FANCC: variants seen among roughly 807,000 people sequenced by gnomAD.
FANCC encodes Fanconi anemia group C protein.
A neutral mutation model predicts 71.3 loss-of-function variants in FANCC; 55 were observed. That is an observed-to-expected ratio of 0.77 (90% CI 0.62 to 0.97). The LOEUF is 0.97. Ranked by LOEUF, FANCC falls within the 50% of genes least tolerant of loss-of-function variation. The pLI, the probability that FANCC is intolerant of heterozygous loss-of-function variation, is 0.00. For synonymous variants in FANCC, 275 were observed against 244.9 expected (o/e 1.12, Z -1.15); for missense variants, 678 against 670.9 (o/e 1.01, Z -0.12).
At chr9:95,276,691 G>C (rs1310260023) in intron 1 of FANCC, among the ~76,000 whole-genome samples, 2 of 152,186 alleles carry the variant, frequency 1.3e-5, no homozygotes, top group Non-Finnish European at 2.9e-5. Context: ...ACTAACTGTG[G>C]TTAAAGATCT....
chr9:95,191,245 T>TCCTATGG (rs1214593323), intron 4 of FANCC, among the ~76,000 whole-genome samples: 1 of 148,540 alleles, frequency 6.7e-6, no homozygotes, highest in Non-Finnish European at 1.5e-5. Context: ...GAGTGCTCCC[T>TCCTATGG]CCTATGGCCC....
At chr9:95,273,207 G>A (rs1360949276) in intron 1 of FANCC, among the ~76,000 whole-genome samples, 9 of 152,206 alleles carry the variant, frequency 5.9e-5, no homozygotes, top group African/African-American at 1.4e-4. Flanking sequence ...AATGCCTACC[G>A]GTGAGGAAGA....
At chr9:95,246,504 A>G (rs942147565) in intron 3 of FANCC, among the ~76,000 whole-genome samples, 4 of 152,364 alleles carry the variant, frequency 2.6e-5, no homozygotes, top group East Asian at 1.9e-4. Flanking sequence ...AAAAATCTTA[A>G]AAGTAAATAT....
At chr9:95,268,716 C>T (rs1832542562) in intron 1 of FANCC, among the ~76,000 whole-genome samples, 1 of 151,748 alleles carries the variant, frequency 6.6e-6, no homozygotes, top group Admixed American at 6.6e-5. Flanking sequence ...GTTAGAAAAC[C>T]TCTCATTTAG....
intron 4 of FANCC, among the ~76,000 whole-genome samples, chr9:95,233,644 A>G (rs1480756205): frequency 6.6e-6 from 1 of 152,158 alleles, no homozygotes; most frequent in East Asian, 1.9e-4. Context: ...AAATGGAGAT[A>G]TTAGGGTTGA....
intron 1 of FANCC, among the ~76,000 whole-genome samples, chr9:95,260,241 G>A (rs1831939559): frequency 6.6e-6 from 1 of 152,128 alleles, no homozygotes; most frequent in South Asian, 2.1e-4. Flanking sequence ...ATGCACACAT[G>A]TATGTTTATT....
intron 1 of FANCC, chr9:95,294,480 T>C: frequency 6.3e-7 from 1 of 1,594,126 alleles, no homozygotes; most frequent in Non-Finnish European, 8.6e-7. Flanking sequence ...TCTTAGACAG[T>C]AGCCCTCATC....
intron 1 of FANCC, among the ~76,000 whole-genome samples, chr9:95,252,274 C>CAAAAAAAAAAAAAAAAAAAA (rs71366284): frequency 1.2e-3 from 61 of 49,940 alleles, no homozygotes; most frequent in East Asian, 2.0e-3. Context: ...GAGACTGATT[C>CAAAAAAAAAAAAAAAAAAAA]AAAAAAAAAA....
chr9:95,101,700 G>T lies in FANCC; in HGVS notation c.*7C>A. On this transcript the variant is annotated 3_prime_UTR_variant, in exon 15 of 15. Coordinates refer to ENST00000289081, the MANE Select transcript of FANCC (RefSeq NM_000136.3). ...CACGCCGGGCACCCACACGGCCTGC[G>T]TGCCTTCTAGACTTGAGTTCGCAGC... 3 of 1,613,662 alleles carry T rather than the reference G, an allele frequency of 1.9e-6. No homozygotes were observed. Among genetic ancestry groups the T allele is most frequent in the Non-Finnish European group, 1.7e-6 (2 of 1,179,942 alleles).
intron 1 of FANCC, among the ~76,000 whole-genome samples, chr9:95,286,502 T>A (rs1326115916): frequency 6.6e-6 from 1 of 152,236 alleles, no homozygotes; most frequent in African/African-American, 2.4e-5. Flanking sequence ...AAACACCTAC[T>A]ATGCAGCAGG....
intron 1 of FANCC, among the ~76,000 whole-genome samples, chr9:95,314,030 T>A (rs1588457229): frequency 6.6e-6 from 1 of 152,154 alleles, no homozygotes; most frequent in African/African-American, 2.4e-5. Flanking sequence ...AATAAGTCAA[T>A]AATATACACT....
intron 7 of FANCC, among the ~76,000 whole-genome samples, chr9:95,136,730 T>G (rs1271571162): frequency 1.3e-5 from 2 of 152,224 alleles, no homozygotes; most frequent in Non-Finnish European, 2.9e-5. Context: ...ACAATCTTCC[T>G]GCCTTGGCCT....
chr9:95,099,842 G>C lies in FANCC; in HGVS notation c.*1865C>G, dbSNP rs934019502. 4.3e-6 allele frequency: 1 copy of C among 232,864 alleles called. No homozygotes were observed. Among genetic ancestry groups the C allele is most frequent in the African/African-American group, 2.2e-5 (1 of 45,276 alleles). 14.4% of individuals were successfully genotyped at this position (232,864 alleles called of 1,614,324 possible). ...TTCCAGGCTAGGAAGAAGTCTTCCAGATGCCTAGCTTCACCAGTCCCAGGA... is the reference window on the plus strand; with the variant it reads ...TTCCAGGCTAGGAAGAAGTCTTCCACATGCCTAGCTTCACCAGTCCCAGGA... On this transcript the variant is annotated 3_prime_UTR_variant, in exon 15 of 15. Coordinates refer to ENST00000289081, the MANE Select transcript of FANCC (RefSeq NM_000136.3).
intron 1 of FANCC, among the ~76,000 whole-genome samples, chr9:95,251,069 T>G (rs1389383671): frequency 1.3e-5 from 2 of 152,208 alleles, no homozygotes; most frequent in Non-Finnish European, 2.9e-5. Context: ...ATCTGCTTCA[T>G]GCACACAACA....
At chr9:95,197,550 C>A (rs1273528887) in intron 4 of FANCC, among the ~76,000 whole-genome samples, 1 of 152,100 alleles carries the variant, frequency 6.6e-6, no homozygotes, top group Admixed American at 6.5e-5. Context: ...AACAAACAAA[C>A]CCCAATATAA....
intron 4 of FANCC, among the ~76,000 whole-genome samples, chr9:95,196,512 T>G (rs1266199594): frequency 6.6e-6 from 1 of 152,058 alleles, no homozygotes; most frequent in African/African-American, 2.4e-5. Context: ...TCCTGGCTCT[T>G]TGTATACCTA....
chr9:95,144,007 T>G (rs1298090448), intron 7 of FANCC, among the ~76,000 whole-genome samples: 1 of 152,090 alleles, frequency 6.6e-6, no homozygotes, highest in African/African-American at 2.4e-5. Context: ...CACCAGCCAA[T>G]TGTCAAACAG....
At chr9:95,252,936 T>C (rs1371084642) in intron 1 of FANCC, among the ~76,000 whole-genome samples, 3 of 151,240 alleles carry the variant, frequency 2.0e-5, no homozygotes, top group African/African-American at 7.3e-5. Flanking sequence ...CAGATGCCTA[T>C]AGTCCCAGCT....
chr9:95,158,473 A>G (rs1830565890), intron 6 of FANCC, among the ~76,000 whole-genome samples: 2 of 152,346 alleles, frequency 1.3e-5, no homozygotes, highest in South Asian at 2.1e-4. Context: ...TGAATATTTG[A>G]GGAGAAAAGA....
Sources: allele counts gnomAD v4.1 joint callset (sites outside exome capture counted in the v4.1 genomes callset), GRCh38; gene constraint gnomAD v4.1.1; transcripts MANE v1.5; gene names NCBI Gene and HGNC (gene_info 2026-07-23, HGNC 2026-07-21).